The following EXOC1 variants were observed in gnomAD, a reference collection of about 807,000 sequenced individuals.
EXOC1 encodes the protein SEC3-like 1.
A neutral mutation model predicts 107.7 loss-of-function variants in EXOC1; 67 were observed. That is an observed-to-expected ratio of 0.62 (90% CI 0.51 to 0.76). The LOEUF is 0.76. Among genes scored for constraint, EXOC1 ranks in the 30% least tolerant of loss-of-function variants. The pLI, the probability that EXOC1 is intolerant of heterozygous loss-of-function variation, is 0.00. For missense variants in EXOC1, 833 were observed against 1,055.7 expected (o/e 0.79, Z 2.92); for synonymous variants, 348 against 353.5 (o/e 0.98, Z 0.17).
intron 9 of EXOC1, among the ~76,000 whole-genome samples, chr4:55,882,340 A>C (rs1278617253): frequency 2.0e-5 from 3 of 152,040 alleles, no homozygotes; most frequent in African/African-American, 7.2e-5. Flanking sequence ...GGGTTTCACC[A>C]TGTTGCCCAG....
intron 1 of EXOC1, among the ~76,000 whole-genome samples, chr4:55,856,784 G>A (rs986052232): frequency 1.3e-5 from 2 of 152,098 alleles, no homozygotes; most frequent in Non-Finnish European, 2.9e-5. Context: ...ATAAGAAAAA[G>A]GAGATAAGTG....
At chr4:55,904,262 A>G in intron 18 of EXOC1, 81 bp from the exon 19 acceptor site, 3 of 1,357,000 alleles carry the variant, frequency 2.2e-6, no homozygotes, top group African/African-American at 3.0e-5. Flanking sequence ...AATTCTTAGA[A>G]TATGCCTTGG....
intron 4 of EXOC1, among the ~76,000 whole-genome samples, chr4:55,866,155 A>G (rs765401194): frequency 6.6e-6 from 1 of 152,188 alleles, no homozygotes; most frequent in African/African-American, 2.4e-5. Context: ...TAAGAGCTCA[A>G]TAATTAAGTA....
In EXOC1 at chr4:55,893,586, T is replaced by C; in HGVS notation, c.1759T>C (p.Phe587Leu). ...GATCCGCCAAATGATGATTAAAATA[T>C]TTCGCTGCATTGAGCCAGAGCTGAA... ...DMIRQMMIKI[F>L]RCIEPELNNL... Residue 587 changes from phenylalanine to leucine, a missense_variant, in exon 15 of 19, where the codon TTT (phenylalanine) becomes CTT (leucine). Around this residue, in one of 2 missense-constraint regions of EXOC1, gnomAD observed 617 missense variants for 701.3 expected, o/e 0.88. Transcript: ENST00000381295. 6.2e-7 allele frequency: 1 copy of C among 1,613,848 alleles called. No individual in the cohort carries two copies. The highest frequency in any genetic ancestry group is 1.1e-5 in the South Asian group (1 of 91,040).
intron 14 of EXOC1, 116 bp downstream of exon 14, chr4:55,892,827 A>G (rs2290015): frequency 0.042 from 36,710 of 873,486 alleles, 2,551 homozygotes; most frequent in Admixed American, 0.21. Context: ...TCACAGTACC[A>G]GCATGTGTGT....
At chr4:55,881,407 C>G (rs796958416) in intron 9 of EXOC1, among the ~76,000 whole-genome samples, 7 of 152,218 alleles carry the variant, frequency 4.6e-5, no homozygotes, top group African/African-American at 1.7e-4. Flanking sequence ...GTTGTGAACC[C>G]CAAATGTCTG....
rs551677928 is a variant in EXOC1, at chr4:55,881,622, A to T, written c.1225-2201A>T. On this transcript the variant is annotated intron_variant, in intron 9 of 18. Transcript: ENST00000381295. ...GGTCTGGAAAGGCCAAACAACTTGA[A>T]GCAAAGGTGGGACAACAAAGTGGGG... Among the ~76,000 whole-genome samples the T allele has an allele frequency of 1.7e-4, 26 of 152,262 alleles. No individual in the cohort carries two copies. The South Asian group carries it at 5.0e-3, about 29-fold the overall frequency.
chr4:55,877,498 C>T, intron 8 of EXOC1: 1 of 984,828 alleles, frequency 1.0e-6, no homozygotes. Flanking sequence ...ATTACAAACT[C>T]TAATGGGAAT....
intron 8 of EXOC1, chr4:55,875,563 T>A: frequency 9.1e-6 from 9 of 984,486 alleles, no homozygotes; most frequent in Non-Finnish European, 1.1e-5. Context: ...TGGGTTACCT[T>A]GAACAAGTTA....
chr4:55,877,715 T>C (rs929054150), intron 8 of EXOC1: 4 of 982,064 alleles, frequency 4.1e-6, no homozygotes, highest in Non-Finnish European at 4.8e-6. Flanking sequence ...GATTATCTTA[T>C]GGTGGTAATG....
rs776615691 is a variant in EXOC1, at chr4:55,858,365, A to G, written c.42A>G (p.Thr14=). 4.9e-5 allele frequency: 79 copies of G among 1,610,342 alleles called. No homozygotes were observed. The South Asian group carries it at 6.9e-4, about 14-fold the overall frequency. The change falls in exon 2 of 19, where the codon ACA becomes ACG. Residue 14 remains threonine, a synonymous_variant. Coordinates refer to ENST00000381295, the MANE Select transcript of EXOC1 (RefSeq NM_001024924.2). ...IKHALQRDIF[T]PNDERLLSIV... The stretch of plus-strand genomic sequence containing the variant: ...ATGCATTACAAAGAGACATTTTTAC[A>G]CCAAATGATGAACGCCTGCTGAGCA...
Position 55,864,399 on chromosome 4 carries a change from A to G in EXOC1, c.415+13A>G, listed in dbSNP as rs1186548854. 5.7e-6 allele frequency: 9 copies of G among 1,586,204 alleles called. No homozygotes were observed. Among genetic ancestry groups the G allele is most frequent in the Non-Finnish European group, 7.7e-6 (9 of 1,165,218 alleles). On this transcript the variant is annotated intron_variant, in intron 4 of 18. Transcript: ENST00000381295. ...CAGCTTTTGGAAGGTAAAGTTAAAT[A>G]AAAATGTATATGTAAAATCAATTAT...
At chr4:55,879,815 A>G (rs1321736085) in intron 9 of EXOC1, among the ~76,000 whole-genome samples, 5 of 152,228 alleles carry the variant, frequency 3.3e-5, no homozygotes, top group Non-Finnish European at 5.9e-5. Context: ...TCTGAGAAAC[A>G]TCTAAAATCT....
intron 18 of EXOC1, among the ~76,000 whole-genome samples, chr4:55,904,112 CTTA>C (rs1045564590): frequency 6.6e-6 from 1 of 151,136 alleles, no homozygotes; most frequent in African/African-American, 2.4e-5. Flanking sequence ...TGAGGAAGGT[CTTA>C]TTATTATCTT....
intron 9 of EXOC1, among the ~76,000 whole-genome samples, chr4:55,882,469 T>C (rs1001750236): frequency 1.3e-5 from 2 of 152,216 alleles, no homozygotes; most frequent in African/African-American, 4.8e-5. Context: ...TGAGTCCCAC[T>C]GAAAAAGTAA....
chr4:55,890,775 G>T (rs1293189100), intron 12 of EXOC1, among the ~76,000 whole-genome samples: 1 of 152,126 alleles, frequency 6.6e-6, no homozygotes, highest in Non-Finnish European at 1.5e-5. Flanking sequence ...TGTCACCCAG[G>T]CTGGAATGCA....
intron 5 of EXOC1, among the ~76,000 whole-genome samples, chr4:55,868,971 G>A (rs1341046117): frequency 1.3e-5 from 2 of 152,190 alleles, no homozygotes; most frequent in Non-Finnish European, 2.9e-5. Flanking sequence ...GAGTGAGTGT[G>A]GTGAAAACAG....
intron 16 of EXOC1, among the ~76,000 whole-genome samples, chr4:55,899,332 T>A (rs1725612693): frequency 6.6e-6 from 1 of 152,136 alleles, no homozygotes; most frequent in African/African-American, 2.4e-5. Flanking sequence ...TTTAAATAAT[T>A]TAGCAATTTA....
At chr4:55,858,581 C>A in intron 2 of EXOC1, 134 bp downstream of exon 2, 1 of 938,326 alleles carries the variant, frequency 1.1e-6, no homozygotes, top group Non-Finnish European at 1.5e-6. Context: ...CTAGTTAACA[C>A]TTGGCTTTGA....
Sources: allele counts gnomAD v4.1 joint callset (sites outside exome capture counted in the v4.1 genomes callset), GRCh38; gene constraint gnomAD v4.1.1; regional missense constraint gnomAD v4.1.1; transcripts MANE v1.5; gene names NCBI Gene and HGNC (gene_info 2026-07-23, HGNC 2026-07-21).